CDK6: variants seen among roughly 807,000 people sequenced by gnomAD.
CDK6 encodes cyclin-dependent kinase 6.
In CDK6, 6 loss-of-function variants were observed where a neutral mutation model predicts 37.1. That is an observed-to-expected ratio of 0.16 (90% CI 0.09 to 0.32). The LOEUF (loss-of-function observed/expected upper bound fraction) is 0.32. Ranked by LOEUF, CDK6 falls within the 10% of genes least tolerant of loss-of-function variation. CDK6 has a pLI of 1.00. For synonymous variants in CDK6, 160 were observed against 161.3 expected (o/e 0.99, Z 0.06); for missense variants, 224 against 418.9 (o/e 0.53, Z 4.06).
intron 5 of CDK6, among the ~76,000 whole-genome samples, chr7:92,667,898 G>A (rs1031571277): frequency 6.6e-6 from 1 of 152,116 alleles, no homozygotes; most frequent in Non-Finnish European, 1.5e-5. Context: ...AGTAAGCCAA[G>A]GTTGTTATTA....
At chr7:92,696,932 T>C (rs1442160651) in intron 4 of CDK6, among the ~76,000 whole-genome samples, 2 of 152,190 alleles carry the variant, frequency 1.3e-5, no homozygotes, top group Non-Finnish European at 2.9e-5. Context: ...ACTAAAATCA[T>C]CCAATCAAAT....
chr7:92,739,536 T>C (rs1798868844), intron 3 of CDK6, among the ~76,000 whole-genome samples: 1 of 152,244 alleles, frequency 6.6e-6, no homozygotes, highest in Admixed American at 6.5e-5. Context: ...ACATTTTAGA[T>C]TCTTTCTCTC....
At position 92,615,011 on chromosome 7, in the gene CDK6, G is replaced by C; in HGVS notation, c.*129C>G. On this transcript the variant is annotated 3_prime_UTR_variant, in exon 8 of 8. Transcript: ENST00000424848. ...CGGTTTCCTTGGAGAAGCAGAGCCTGTCCAGAAGACAGCAGCTGGAAGGCC... is the reference window on the plus strand; with the variant it reads ...CGGTTTCCTTGGAGAAGCAGAGCCTCTCCAGAAGACAGCAGCTGGAAGGCC... 1.1e-6 allele frequency: 1 copy of C among 882,808 alleles called. No homozygotes were observed. Among genetic ancestry groups the C allele is most frequent in the Non-Finnish European group, 1.7e-6 (1 of 579,494 alleles). The allele number at this position is 882,808 out of a possible 1,614,324, so 54.7% of individuals were successfully genotyped here. A position where few individuals can be genotyped will look rare whatever the true frequency, so the allele number is the denominator to read the frequency against.
At chr7:92,831,860 T>C (rs1462079330) in intron 2 of CDK6, among the ~76,000 whole-genome samples, 1 of 152,234 alleles carries the variant, frequency 6.6e-6, no homozygotes, top group Non-Finnish European at 1.5e-5. Flanking sequence ...ATATTTGGTC[T>C]CTCTGAGTCT....
chr7:92,691,812 A>G (rs1000376407), intron 4 of CDK6, among the ~76,000 whole-genome samples: 1 of 152,376 alleles, frequency 6.6e-6, no homozygotes, highest in African/African-American at 2.4e-5. Flanking sequence ...AAATTTGAGT[A>G]CTGAGACACA....
At position 92,612,859 on chromosome 7, in the gene CDK6, T is replaced by C. The variant is rs1160293260; in HGVS notation, c.*2281A>G. 1 of 232,962 alleles carries C rather than the reference T, an allele frequency of 4.3e-6. No individual in the cohort carries two copies. The highest frequency in any genetic ancestry group is 8.5e-6 in the Non-Finnish European group (1 of 117,952). The allele number at this position is 232,962 out of a possible 1,614,324, so 14.4% of individuals were successfully genotyped here. On this transcript the variant is annotated 3_prime_UTR_variant, in exon 8 of 8. Coordinates refer to ENST00000424848, the MANE Select transcript of CDK6 (RefSeq NM_001145306.2). The stretch of plus-strand genomic sequence containing the variant: ...ATGAATACTAACCAAAAAGCTCAGA[T>C]GAATCAGTGCAGTGAGTTTTTAAAT...
intron 4 of CDK6, among the ~76,000 whole-genome samples, chr7:92,712,108 C>T (rs966489923): frequency 1.3e-5 from 2 of 150,398 alleles, no homozygotes; most frequent in Non-Finnish European, 3.0e-5. Context: ...TGCAGTGAGC[C>T]GAGAGAGCGC....
chr7:92,659,634 A>C (rs910717497), intron 5 of CDK6, among the ~76,000 whole-genome samples: 3 of 148,522 alleles, frequency 2.0e-5, no homozygotes, highest in Admixed American at 1.3e-4. Context: ...ACACACACAC[A>C]CCACACACAC....
At chr7:92,665,665 C>T (rs1386983139) in intron 5 of CDK6, among the ~76,000 whole-genome samples, 1 of 152,206 alleles carries the variant, frequency 6.6e-6, no homozygotes, top group Non-Finnish European at 1.5e-5. Context: ...CTTTCCAATA[C>T]AGGACAGATT....
intron 3 of CDK6, among the ~76,000 whole-genome samples, chr7:92,732,012 T>C (rs1415580208): frequency 1.3e-5 from 2 of 152,258 alleles, no homozygotes; most frequent in Non-Finnish European, 2.9e-5. Context: ...TCCTAGGTTG[T>C]TGGGTAATGA....
chr7:92,726,885 A>G (rs932590608), intron 3 of CDK6, among the ~76,000 whole-genome samples: 1 of 152,254 alleles, frequency 6.6e-6, no homozygotes, highest in East Asian at 1.9e-4. Context: ...AAAATGGGAC[A>G]GTAACAAAGC....
chr7:92,744,773 A>T (rs1045794706), intron 3 of CDK6, among the ~76,000 whole-genome samples: 1 of 152,206 alleles, frequency 6.6e-6, no homozygotes, highest in Non-Finnish European at 1.5e-5. Flanking sequence ...TAACATTTTT[A>T]TCACTGCCAA....
chr7:92,651,871 G>A (rs1161559376), intron 5 of CDK6, among the ~76,000 whole-genome samples: 2 of 152,026 alleles, frequency 1.3e-5, no homozygotes, highest in Non-Finnish European at 2.9e-5. Flanking sequence ...CAGGGAGCTG[G>A]GGCACTCCAA....
intron 5 of CDK6, among the ~76,000 whole-genome samples, chr7:92,637,033 CA>C (rs1322348914): frequency 2.6e-5 from 4 of 152,074 alleles, no homozygotes; most frequent in African/African-American, 7.2e-5. Flanking sequence ...TATGAAAGTG[CA>C]ATAAAAGTTG....
intron 5 of CDK6, among the ~76,000 whole-genome samples, chr7:92,630,545 A>G (rs1208683764): frequency 6.6e-6 from 1 of 152,162 alleles, no homozygotes; most frequent in Non-Finnish European, 1.5e-5. Context: ...CAAACTTCGG[A>G]AGCTATAATT....
chr7:92,809,353 A>G (rs1800814467), intron 2 of CDK6, among the ~76,000 whole-genome samples: 1 of 152,208 alleles, frequency 6.6e-6, no homozygotes. Flanking sequence ...GATCCTAAAT[A>G]TAAAACTAAT....
In CDK6 at chr7:92,683,052, T is replaced by G. The variant is rs372104474; in HGVS notation, c.538-11517A>C. ...TTTTGATTTTGACACTAAACAATCA[T>G]ACATTTGATCTCCCTCTGCTTTCAC... is the stretch of plus-strand genomic sequence containing the variant. On this transcript the variant is annotated intron_variant, in intron 4 of 7. Coordinates refer to ENST00000424848, the MANE Select transcript of CDK6 (RefSeq NM_001145306.2). Among the ~76,000 whole-genome samples the G allele has an allele frequency of 1.1e-3, 174 of 152,352 alleles. 1 individual carries two copies. The highest frequency in any genetic ancestry group is 4.1e-3 in the African/African-American group (171 of 41,586).
chr7:92,671,381 G>T, intron 5 of CDK6, 45 bp downstream of exon 5: 1 of 1,248,472 alleles, frequency 8.0e-7, no homozygotes, highest in Non-Finnish European at 1.1e-6. Flanking sequence ...AAGATCCACA[G>T]TCTCTTTTCA....
Position 92,791,010 on chromosome 7 carries a change from G to T in CDK6, c.234-16179C>A, listed in dbSNP as rs542729571. Among the ~76,000 whole-genome samples the T allele has an allele frequency of 3.4e-4, 52 of 152,268 alleles. 1 individual carries two copies. The highest frequency in any genetic ancestry group is 1.2e-3 in the African/African-American group (51 of 41,570). ...CCCAATCTGATGACATGGGTAAGGG[G>T]AAGTGTGGTAAGACCACCTGTAAGG... is the stretch of plus-strand genomic sequence containing the variant. On this transcript the variant is annotated intron_variant, in intron 2 of 7. Coordinates refer to ENST00000424848, the MANE Select transcript of CDK6 (RefSeq NM_001145306.2).
Sources: gnomAD v4.1 joint callset for allele counts (sites outside exome capture counted in the v4.1 genomes callset) on GRCh38, gnomAD v4.1.1 for gene constraint, MANE v1.5 for transcripts, NCBI Gene and HGNC (gene_info 2026-07-23, HGNC 2026-07-21) for gene names.